Variants in HGSNAT observed in about 807,000 individuals in gnomAD.
HGSNAT encodes the protein heparan-alpha-glucosaminide N-acetyltransferase.
HGSNAT carries 59 observed loss-of-function variants against 85.2 expected under a neutral mutation model. The observed-to-expected ratio is 0.69, with a 90% CI of 0.56 to 0.86. The LOEUF (loss-of-function observed/expected upper bound fraction) is 0.86. Ranked by LOEUF, HGSNAT falls within the 40% of genes least tolerant of loss-of-function variation. The pLI is 0.00. For missense variants in HGSNAT, 756 were observed against 777.1 expected (o/e 0.97, Z 0.32); for synonymous variants, 321 against 304.5 (o/e 1.05, Z -0.56).
chr8:43,188,775 TG>T (rs1433147758), intron 11 of HGSNAT, among the ~76,000 whole-genome samples: 1 of 152,216 alleles, frequency 6.6e-6, no homozygotes, highest in Non-Finnish European at 1.5e-5. Flanking sequence ...TCCCCATCTT[TG>T]TGGTTTTATC....
chr8:43,195,655 T>TAGA (rs1554537299), intron 14 of HGSNAT, among the ~76,000 whole-genome samples: 22 of 67,618 alleles, frequency 3.3e-4, no homozygotes, highest in South Asian at 1.5e-3. Context: ...GAGGAGGGGC[T>TAGA]GGAGGAGGAG....
chr8:43,140,634 C>A lies in HGSNAT; in HGVS notation c.118+20C>A. 6 of 1,161,612 alleles carry A rather than the reference C, an allele frequency of 5.2e-6. No homozygotes were observed. The highest frequency in any genetic ancestry group is 6.5e-6 in the Non-Finnish European group (6 of 917,718). The allele number at this position is 1,161,612 out of a possible 1,614,324, so 72.0% of individuals were successfully genotyped here. A position where few individuals can be genotyped will look rare whatever the true frequency, so the allele number is the denominator to read the frequency against. ...CACGAGGTGAGTGCACACCTCCTAC[C>A]GCCGCCCGGCCGGCTACGAGCGCAG... On this transcript the variant is annotated intron_variant, in intron 1 of 17. Transcript: ENST00000379644.
chr8:43,141,498 C>T (rs1802543563), intron 1 of HGSNAT, among the ~76,000 whole-genome samples: 2 of 152,098 alleles, frequency 1.3e-5, no homozygotes, highest in Non-Finnish European at 2.9e-5. Flanking sequence ...CACCGGGGAG[C>T]CCCAGGCCCT....
chr8:43,191,465 C>T lies in HGSNAT; in HGVS notation c.1129-9C>T. 1.2e-6 allele frequency: 2 copies of T among 1,610,868 alleles called. No individual in the cohort carries two copies. Among genetic ancestry groups the T allele is most frequent in the Non-Finnish European group, 1.7e-6 (2 of 1,177,374 alleles). On this transcript the variant is annotated splice_polypyrimidine_tract_variant and intron_variant, in intron 11 of 17. Transcript: ENST00000379644. ...TTCACCCGTGTTTTATTTTTCTGCC[C>T]CCACTCAGGAGAGGAGCTGCCTTTC... is the stretch of plus-strand genomic sequence containing the variant.
At chr8:43,149,793 AT>A (rs1802842791) in intron 2 of HGSNAT, among the ~76,000 whole-genome samples, 1 of 152,120 alleles carries the variant, frequency 6.6e-6, no homozygotes, top group Non-Finnish European at 1.5e-5. Context: ...AACTTCATAC[AT>A]TTAGTAAACC....
chr8:43,158,431 T>C, intron 2 of HGSNAT, 144 bp from the exon 3 acceptor site: 1 of 824,280 alleles, frequency 1.2e-6, no homozygotes, highest in East Asian at 2.7e-5. Flanking sequence ...AATAGGTAAA[T>C]TTAAATTATT....
chr8:43,189,885 G>A (rs1243729107), intron 11 of HGSNAT, among the ~76,000 whole-genome samples: 2 of 152,150 alleles, frequency 1.3e-5, no homozygotes, highest in Non-Finnish European at 1.5e-5. Context: ...GAGCCACCGC[G>A]TCTGGCCGCC....
intron 2 of HGSNAT, among the ~76,000 whole-genome samples, chr8:43,148,513 C>T (rs1276396183): frequency 1.3e-5 from 2 of 151,894 alleles, no homozygotes; most frequent in Non-Finnish European, 2.9e-5. Context: ...AGAGGCCAGG[C>T]ATGGTGGCTC....
In HGSNAT at chr8:43,200,688, G is replaced by T. The variant is rs1371981775; in HGVS notation, c.*1119G>T. The T allele has an allele frequency of 1.3e-5, 2 of 152,382 alleles. No individual in the cohort carries two copies. Among genetic ancestry groups the T allele is most frequent in the Non-Finnish European group, 1.5e-5 (1 of 68,066 alleles). 9.4% of individuals were successfully genotyped at this position (152,382 alleles called of 1,614,324 possible). A position where few individuals can be genotyped will look rare whatever the true frequency, so the allele number is the denominator to read the frequency against. ...AGGACAAACAGAGACACACGGCATT[G>T]TTCATGGGAGGCATCGTCACCCTCC... On this transcript the variant is annotated 3_prime_UTR_variant, in exon 18 of 18. Coordinates refer to ENST00000379644, the MANE Select transcript of HGSNAT (RefSeq NM_152419.3).
chr8:43,165,083 A>T (rs1363885056), intron 5 of HGSNAT, among the ~76,000 whole-genome samples: 11 of 133,096 alleles, frequency 8.3e-5, no homozygotes, highest in African/African-American at 3.1e-4. Context: ...GTAGAGATGA[A>T]GTTCTCACTG....
chr8:43,162,000 T>C (rs1206854399), intron 5 of HGSNAT, among the ~76,000 whole-genome samples: 2 of 152,360 alleles, frequency 1.3e-5, no homozygotes, highest in East Asian at 3.9e-4. Context: ...TTGGTTAGTT[T>C]GTTAGCCAAT....
At chr8:43,152,533 C>G (rs1802951687) in intron 2 of HGSNAT, among the ~76,000 whole-genome samples, 1 of 152,116 alleles carries the variant, frequency 6.6e-6, no homozygotes, top group South Asian at 2.1e-4. Flanking sequence ...TCACTGCACT[C>G]TCAAACTCCT....
chr8:43,178,694 G>A lies in HGSNAT; in HGVS notation c.1012+460G>A, dbSNP rs1390519704. ...GTCATAGGACAATAGTGGAGGGAAG[G>A]TCAGCAGATAAACAAGTGAACAAAG... On this transcript the variant is annotated intron_variant, in intron 10 of 17. Coordinates refer to ENST00000379644, the MANE Select transcript of HGSNAT (RefSeq NM_152419.3). Among the ~76,000 whole-genome samples the A allele has an allele frequency of 4.0e-5, 6 of 148,808 alleles. 1 individual carries two copies. Among genetic ancestry groups the A allele is most frequent in the Admixed American group, 2.7e-4 (4 of 15,052 alleles).
intron 9 of HGSNAT, among the ~76,000 whole-genome samples, chr8:43,176,713 C>T (rs753751683): frequency 3.9e-4 from 60 of 152,146 alleles, no homozygotes; most frequent in Non-Finnish European, 7.5e-4. Flanking sequence ...GTGCCCTCTT[C>T]AATTTCTTTC....
At chr8:43,156,177 T>G (rs950572997) in intron 2 of HGSNAT, among the ~76,000 whole-genome samples, 3 of 152,364 alleles carry the variant, frequency 2.0e-5, no homozygotes, top group East Asian at 1.9e-4. Flanking sequence ...TGCCATAAAC[T>G]TCTCTCTTAG....
At chr8:43,174,599 G>A (rs1200441079) in intron 9 of HGSNAT, among the ~76,000 whole-genome samples, 2 of 151,968 alleles carry the variant, frequency 1.3e-5, no homozygotes, top group African/African-American at 4.8e-5. Context: ...GGTAGTACCA[G>A]CCTTATTATT....
At chr8:43,156,210 AG>A (rs1188214296) in intron 2 of HGSNAT, among the ~76,000 whole-genome samples, 8 of 152,310 alleles carry the variant, frequency 5.3e-5, no homozygotes, top group African/African-American at 1.4e-4. Flanking sequence ...TGTATTCCAT[AG>A]GTTTTGGAAT....
chr8:43,162,799 G>A (rs1458730838), intron 5 of HGSNAT, among the ~76,000 whole-genome samples: 2 of 151,372 alleles, frequency 1.3e-5, no homozygotes, highest in Admixed American at 6.6e-5. Flanking sequence ...TGAACTCCTC[G>A]ACTCAAGTGT....
At chr8:43,154,886 A>G (rs1803043421) in intron 2 of HGSNAT, among the ~76,000 whole-genome samples, 1 of 152,156 alleles carries the variant, frequency 6.6e-6, no homozygotes, top group Non-Finnish European at 1.5e-5. Context: ...TCGCCATTCT[A>G]ACTGGTGTAA....
Sources: gnomAD v4.1 joint callset for allele counts (sites outside exome capture counted in the v4.1 genomes callset) on GRCh38, gnomAD v4.1.1 for gene constraint, MANE v1.5 for transcripts, NCBI Gene and HGNC (gene_info 2026-07-23, HGNC 2026-07-21) for gene names.